DOK6: variants seen among roughly 807,000 people sequenced by gnomAD.
DOK6 encodes downstream of tyrosine kinase 6.
In DOK6, 22 loss-of-function variants were observed where a neutral mutation model predicts 44.0. That is an observed-to-expected ratio of 0.50 (90% confidence interval 0.36 to 0.71). The LOEUF (loss-of-function observed/expected upper bound fraction) is 0.71, where lower values mean the gene tolerates loss of function less well. Ranked by LOEUF, DOK6 falls within the 30% of genes least tolerant of loss-of-function variation. The probability of loss-of-function intolerance (pLI) is 0.00; values close to 1 mark genes in which losing one functional copy is unlikely to be tolerated. For missense variants in DOK6, 340 were observed against 416.4 expected (o/e 0.82, Z 1.60); for synonymous variants, 166 against 145.5 (o/e 1.14, Z -1.01).
At chr18:69,409,046 G>A (rs577795859) in intron 1 of DOK6, among the ~76,000 whole-genome samples, 91 of 152,118 alleles carry the variant, frequency 6.0e-4, no homozygotes, top group African/African-American at 2.1e-3. Flanking sequence ...GGAGGGACCC[G>A]GTGGGAGGTA....
At chr18:69,696,275 C>T (rs75439199) in intron 4 of DOK6, among the ~76,000 whole-genome samples, 98 of 152,204 alleles carry the variant, frequency 6.4e-4, no homozygotes, top group African/African-American at 2.3e-3. Flanking sequence ...CTTCTGGGTC[C>T]ACTGTTACAG....
At chr18:69,763,132 CAA>C (rs1316964321) in intron 7 of DOK6, among the ~76,000 whole-genome samples, 8 of 152,042 alleles carry the variant, frequency 5.3e-5, no homozygotes, top group Admixed American at 1.3e-4. Context: ...AGTCTGGAAT[CAA>C]AAGAGTGAAA....
chr18:69,605,279 G>A (rs1983969875), intron 3 of DOK6, among the ~76,000 whole-genome samples: 1 of 152,054 alleles, frequency 6.6e-6, no homozygotes, highest in Admixed American at 6.6e-5. Context: ...AGTAGGAAAT[G>A]TATTAATCCA....
At chr18:69,508,002 T>C (rs377309813) in intron 1 of DOK6, among the ~76,000 whole-genome samples, 3 of 152,070 alleles carry the variant, frequency 2.0e-5, no homozygotes, top group Admixed American at 1.3e-4. Flanking sequence ...TAATTATAGG[T>C]TTTTTATAGA....
chr18:69,734,666 T>G (rs759398801), intron 5 of DOK6, among the ~76,000 whole-genome samples: 1 of 152,190 alleles, frequency 6.6e-6, no homozygotes, highest in South Asian at 2.1e-4. Flanking sequence ...TTATTAAATA[T>G]GTACACAATA....
intron 3 of DOK6, among the ~76,000 whole-genome samples, chr18:69,677,126 A>G (rs1044742017): frequency 6.6e-6 from 1 of 152,164 alleles, no homozygotes; most frequent in Non-Finnish European, 1.5e-5. Flanking sequence ...GAGCTGATTT[A>G]TGATCCATTA....
chr18:69,777,024 G>A (rs1980092146), intron 7 of DOK6, among the ~76,000 whole-genome samples: 1 of 148,610 alleles, frequency 6.7e-6, no homozygotes, highest in African/African-American at 2.5e-5. Context: ...GATAGCATTA[G>A]GAGGTATACC....
chr18:69,427,196 C>G (rs923533215), intron 1 of DOK6, among the ~76,000 whole-genome samples: 1 of 151,236 alleles, frequency 6.6e-6, no homozygotes, highest in Non-Finnish European at 1.5e-5. Flanking sequence ...CCCTCTCCCT[C>G]TCTCTCTCTC....
chr18:69,675,013 C>T (rs759528573), intron 3 of DOK6, among the ~76,000 whole-genome samples: 7 of 152,128 alleles, frequency 4.6e-5, no homozygotes, highest in Middle Eastern at 3.2e-3. Flanking sequence ...ATGTACTCTA[C>T]TTTTATTATT....
chr18:69,437,701 G>C (rs7230670), intron 1 of DOK6, among the ~76,000 whole-genome samples: 1 of 152,124 alleles, frequency 6.6e-6, no homozygotes, highest in African/African-American at 2.4e-5. Flanking sequence ...TTCTAATTCT[G>C]TGAAGAAACT....
chr18:69,482,604 A>G (rs1004223572), intron 1 of DOK6, among the ~76,000 whole-genome samples: 4 of 152,032 alleles, frequency 2.6e-5, no homozygotes, highest in African/African-American at 9.7e-5. Context: ...TTATATAGTA[A>G]AATTGGAAAT....
chr18:69,474,541 C>T (rs1000251224), intron 1 of DOK6, among the ~76,000 whole-genome samples: 3 of 152,116 alleles, frequency 2.0e-5, no homozygotes, highest in Non-Finnish European at 4.4e-5. Context: ...TTGCATTTGA[C>T]TTTTGATATG....
chr18:69,511,540 A>G (rs147295813), intron 1 of DOK6, among the ~76,000 whole-genome samples: 2 of 152,244 alleles, frequency 1.3e-5, no homozygotes, highest in African/African-American at 4.8e-5. Flanking sequence ...CCTGTTTTAC[A>G]CATAAGCACT....
chr18:69,410,465 G>A (rs187021601), intron 1 of DOK6, among the ~76,000 whole-genome samples: 78 of 152,340 alleles, frequency 5.1e-4, no homozygotes, highest in Non-Finnish European at 9.8e-4. Context: ...GAATTACACT[G>A]TTGTTAGTGC....
chr18:69,615,541 T>C (rs1984264682), intron 3 of DOK6, among the ~76,000 whole-genome samples: 1 of 152,248 alleles, frequency 6.6e-6, no homozygotes, highest in Admixed American at 6.5e-5. Flanking sequence ...TTATGTTATC[T>C]GAAATGTATT....
intron 7 of DOK6, among the ~76,000 whole-genome samples, chr18:69,763,722 A>G (rs1241152012): frequency 1.3e-5 from 2 of 152,200 alleles, no homozygotes; most frequent in Non-Finnish European, 2.9e-5. Context: ...TTTAATCACC[A>G]TTAGACATAT....
At chr18:69,630,763 A>G (rs186517486) in intron 3 of DOK6, among the ~76,000 whole-genome samples, 223 of 152,328 alleles carry the variant, frequency 1.5e-3, no homozygotes, top group Non-Finnish European at 2.8e-3. Context: ...GACTGCATGT[A>G]TTGCACTGTA....
At chr18:69,569,675 T>TA (rs1189328643) in intron 2 of DOK6, among the ~76,000 whole-genome samples, 3 of 152,162 alleles carry the variant, frequency 2.0e-5, no homozygotes, top group Non-Finnish European at 4.4e-5. Context: ...CTTTTAATTT[T>TA]AAAAAAAGTA....
At chr18:69,594,856 A>AAGAAAAG (rs935595445) in intron 2 of DOK6, among the ~76,000 whole-genome samples, 3 of 152,050 alleles carry the variant, frequency 2.0e-5, no homozygotes, top group Admixed American at 2.0e-4. Context: ...AAAAAGAAAA[A>AAGAAAAG]GGAGCACCTA....
Sources: gnomAD v4.1 joint callset for allele counts (sites outside exome capture counted in the v4.1 genomes callset) on GRCh38, gnomAD v4.1.1 for gene constraint, MANE v1.5 for transcripts, NCBI Gene and HGNC (gene_info 2026-07-23, HGNC 2026-07-21) for gene names.